The following CUBN variants were observed in gnomAD, a reference collection of about 807,000 sequenced individuals.
CUBN encodes the protein 460 kDa receptor.
A neutral mutation model predicts 405.3 loss-of-function variants in CUBN; 282 were observed. That is an observed-to-expected ratio of 0.70 (90% CI 0.63 to 0.77). The LOEUF is 0.77. CUBN is among the 30% of genes least tolerant of loss of function. The probability of loss-of-function intolerance (pLI) is 0.00; values close to 1 mark genes in which losing one functional copy is unlikely to be tolerated. For synonymous variants in CUBN, 1,684 were observed against 1,617.0 expected, an observed-to-expected ratio of 1.04 and a Z score of -0.99; for missense variants, 4,514 against 4,475.2, an observed-to-expected ratio of 1.01 and a Z score of -0.25.
intron 64 of CUBN, among the ~76,000 whole-genome samples, chr10:16,833,534 A>C (rs1318439826): frequency 6.6e-6 from 1 of 152,216 alleles, no homozygotes; most frequent in Non-Finnish European, 1.5e-5. Flanking sequence ...AGCTAAACCC[A>C]TATGCAAAGA....
At chr10:17,013,854 A>G (rs1405908722) in intron 28 of CUBN, among the ~76,000 whole-genome samples, 2 of 152,214 alleles carry the variant, frequency 1.3e-5, no homozygotes. Context: ...TTTTCCACAA[A>G]TGAACTTTCA....
intron 21 of CUBN, among the ~76,000 whole-genome samples, chr10:17,067,748 A>C (rs780578698): frequency 2.0e-5 from 3 of 152,150 alleles, no homozygotes; most frequent in Non-Finnish European, 4.4e-5. Flanking sequence ...CAGAGATAGA[A>C]AGTAGATTTG....
intron 28 of CUBN, among the ~76,000 whole-genome samples, chr10:17,018,811 A>T (rs746590055): frequency 6.6e-6 from 1 of 152,108 alleles, no homozygotes; most frequent in Non-Finnish European, 1.5e-5. Context: ...CTTTAGCTAG[A>T]CACAGAGCGC....
intron 64 of CUBN, among the ~76,000 whole-genome samples, chr10:16,833,617 A>AG (rs1179559023): frequency 6.6e-6 from 1 of 152,128 alleles, no homozygotes; most frequent in Non-Finnish European, 1.5e-5. Context: ...AAATCGGATG[A>AG]GGGGGGTTGC....
chr10:17,087,722 A>G (rs141875816), intron 15 of CUBN, among the ~76,000 whole-genome samples: 4,468 of 151,944 alleles, frequency 0.029, 83 homozygotes, highest in East Asian at 0.07. Flanking sequence ...TGATCTGCCC[A>G]CCTTGGCCTC....
intron 26 of CUBN, among the ~76,000 whole-genome samples, chr10:17,043,602 C>G (rs1835059263): frequency 6.6e-6 from 1 of 152,156 alleles, no homozygotes; most frequent in South Asian, 2.1e-4. Context: ...ACGTATTTCT[C>G]CCTCAAATGG....
intron 31 of CUBN, among the ~76,000 whole-genome samples, chr10:16,962,394 G>A (rs1843252675): frequency 6.6e-6 from 1 of 151,986 alleles, no homozygotes; most frequent in South Asian, 2.1e-4. Context: ...CCAGAAATAT[G>A]GGTAGGTAGG....
intron 66 of CUBN, among the ~76,000 whole-genome samples, chr10:16,826,800 G>A (rs1282545065): frequency 6.6e-6 from 1 of 152,076 alleles, no homozygotes; most frequent in Non-Finnish European, 1.5e-5. Context: ...GGATATACTT[G>A]TTCTTTCCAC....
At chr10:16,891,918 A>C (rs928629581) in intron 54 of CUBN, among the ~76,000 whole-genome samples, 1 of 152,168 alleles carries the variant, frequency 6.6e-6, no homozygotes, top group Admixed American at 6.5e-5. Flanking sequence ...CCTTTCTATC[A>C]ACAGACAACT....
At chr10:17,058,988 G>T (rs1564498358) in intron 22 of CUBN, among the ~76,000 whole-genome samples, 1 of 151,466 alleles carries the variant, frequency 6.6e-6, no homozygotes, top group Non-Finnish European at 1.5e-5. Flanking sequence ...CATTTACAAA[G>T]AAATGAAAAA....
At chr10:16,876,795 C>T (rs1195324121) in intron 57 of CUBN, 102 bp downstream of exon 57, 1 of 1,012,750 alleles carries the variant, frequency 9.9e-7, no homozygotes, top group East Asian at 2.4e-5. Context: ...CTTAAATTCT[C>T]TGAATCTTCA....
At chr10:16,838,196 A>G (rs1356766811) in intron 62 of CUBN, among the ~76,000 whole-genome samples, 1 of 152,080 alleles carries the variant, frequency 6.6e-6, no homozygotes, top group South Asian at 2.1e-4. Context: ...AGCACATCTC[A>G]CGCCTCTCCA....
rs567146793 is a variant in CUBN, at chr10:16,928,217, T to C, written c.6211A>G (p.Ile2071Val). The part of the protein sequence containing the change: ...PIRSTGEYMF[I>V]RFTSDSSVTR... ...ACACTGGAGTCCGAGGTGAAGCGGA[T>C]GAACATGTACTCTCCAGTAGACCGG... Residue 2071 changes from isoleucine to valine, a missense_variant, in exon 41 of 67, where the codon ATC becomes GTC. Ile to Val is a conservative substitution (Grantham distance 29). Coordinates refer to ENST00000377833, the MANE Select transcript of CUBN (RefSeq NM_001081.4). The C allele has an allele frequency of 1.2e-5, 19 of 1,614,038 alleles. No individual in the cohort carries two copies. In the East Asian group the frequency reaches 4.2e-4, roughly 36 times the overall value.
chr10:17,046,736 T>C (rs1471037825), intron 23 of CUBN, among the ~76,000 whole-genome samples: 2 of 152,164 alleles, frequency 1.3e-5, no homozygotes, highest in African/African-American at 4.8e-5. Context: ...CCTTACTTTA[T>C]ATTATAGAAT....
At chr10:16,875,523 A>G (rs73592325) in intron 57 of CUBN, among the ~76,000 whole-genome samples, 9,160 of 152,242 alleles carry the variant, frequency 0.06, 422 homozygotes, top group African/African-American at 0.13. Context: ...TTTTGCCTCA[A>G]CTGAGCCCAC....
chr10:16,897,744 A>G (rs544253416), intron 54 of CUBN, among the ~76,000 whole-genome samples: 1 of 152,240 alleles, frequency 6.6e-6, no homozygotes, highest in East Asian at 1.9e-4. Context: ...CCCACACAGC[A>G]TTTCTTGGCA....
At position 17,087,472 on chromosome 10, in the gene CUBN, C is replaced by CTTTTTTTTTTT. The variant is rs775573918; in HGVS notation, c.1947+681_1947+691dup. Among the ~76,000 whole-genome samples, 493 of 71,680 alleles carry CTTTTTTTTTTT rather than the reference C, an allele frequency of 6.9e-3. 19 individuals are homozygous for CTTTTTTTTTTT. Among genetic ancestry groups the CTTTTTTTTTTT allele is most frequent in the Middle Eastern group, 0.017 (1 of 58 alleles). The allele number at this position is 71,680 out of a possible 152,430, so 47.0% of individuals were successfully genotyped here. A position where few individuals can be genotyped will look rare whatever the true frequency, so the allele number is the denominator to read the frequency against. ...CACAATCACTATTATTTTTCTTTTTCTTTTTTTTTTTTTTTTTTTTTTAGA... is the reference window on the plus strand; with the variant it reads ...CACAATCACTATTATTTTTCTTTTTCTTTTTTTTTTTTTTTTTTTTTTTTTTTTTTTTTAGA... On this transcript the variant is annotated intron_variant, in intron 15 of 66. Transcript: ENST00000377833.
intron 28 of CUBN, among the ~76,000 whole-genome samples, chr10:16,994,108 T>C (rs529884372): frequency 1.3e-5 from 2 of 152,358 alleles, no homozygotes; most frequent in East Asian, 3.9e-4. Context: ...GTTGTAATTC[T>C]GGTAATTACG....
At chr10:17,057,845 G>A (rs563395859) in intron 22 of CUBN, among the ~76,000 whole-genome samples, 21 of 152,076 alleles carry the variant, frequency 1.4e-4, no homozygotes, top group South Asian at 2.1e-4. Flanking sequence ...AAGCCAAGCC[G>A]GGTGCGGTGG....
Sources: allele counts gnomAD v4.1 joint callset (sites outside exome capture counted in the v4.1 genomes callset), GRCh38; gene constraint gnomAD v4.1.1; transcripts MANE v1.5; gene names NCBI Gene and HGNC (gene_info 2026-07-23, HGNC 2026-07-21).